CLINT1: variants seen among roughly 807,000 people sequenced by gnomAD.
CLINT1 encodes the protein clathrin interactor 1.
In CLINT1, 15 loss-of-function variants were observed where a neutral mutation model predicts 70.4. The ratio of observed to expected loss-of-function variants is 0.21; its 90% CI spans 0.14 to 0.33. CLINT1 has a LOEUF of 0.33. CLINT1 is among the 10% of genes least tolerant of loss of function. The pLI, the probability that CLINT1 is intolerant of heterozygous loss-of-function variation, is 1.00. For synonymous variants in CLINT1, 227 were observed against 254.7 expected (o/e 0.89, Z 1.04); for missense variants, 615 against 778.1 (o/e 0.79, Z 2.49).
At chr5:157,815,399 G>A (rs1350036556) in intron 3 of CLINT1, among the ~76,000 whole-genome samples, 1 of 128,290 alleles carries the variant, frequency 7.8e-6, no homozygotes, top group Non-Finnish European at 1.8e-5. Flanking sequence ...TTTACAGGGT[G>A]ATAAAAATGT....
chr5:157,835,654 G>A (rs1474405114), intron 1 of CLINT1, among the ~76,000 whole-genome samples: 1 of 151,960 alleles, frequency 6.6e-6, no homozygotes, highest in Non-Finnish European at 1.5e-5. Flanking sequence ...AGGGAGAGGT[G>A]GAAAGGAAGA....
intron 1 of CLINT1, among the ~76,000 whole-genome samples, chr5:157,820,080 T>C (rs1020838608): frequency 3.3e-5 from 5 of 152,152 alleles, no homozygotes; most frequent in Admixed American, 2.6e-4. Context: ...ATTAAGTATA[T>C]CCACAGGAGG....
intron 1 of CLINT1, among the ~76,000 whole-genome samples, chr5:157,853,613 C>A (rs987169394): frequency 6.6e-6 from 1 of 151,246 alleles, no homozygotes; most frequent in Non-Finnish European, 1.5e-5. Context: ...CTCGTCTCTA[C>A]TAAAATTACA....
chr5:157,807,916 A>G (rs1426776848), intron 6 of CLINT1, among the ~76,000 whole-genome samples: 1 of 150,740 alleles, frequency 6.6e-6, no homozygotes, highest in African/African-American at 2.4e-5. Flanking sequence ...GGATCTGCCT[A>G]AAGTAACACA....
intron 8 of CLINT1, among the ~76,000 whole-genome samples, chr5:157,797,093 A>G (rs923104517): frequency 1.3e-5 from 2 of 152,204 alleles, no homozygotes; most frequent in South Asian, 4.1e-4. Flanking sequence ...AATGAGTTAT[A>G]CATGTTTAAA....
chr5:157,856,472 G>C (rs1561681516), intron 1 of CLINT1, among the ~76,000 whole-genome samples: 1 of 152,180 alleles, frequency 6.6e-6, no homozygotes, highest in Non-Finnish European at 1.5e-5. Context: ...CCATCTATCT[G>C]AATAGCCCTT....
At chr5:157,854,345 A>G (rs983654321) in intron 1 of CLINT1, among the ~76,000 whole-genome samples, 1 of 152,210 alleles carries the variant, frequency 6.6e-6, no homozygotes, top group Non-Finnish European at 1.5e-5. Context: ...GCGCTTCAGG[A>G]TGCTGAGGCA....
Position 157,809,674 on chromosome 5 carries a change from T to A in CLINT1, c.649A>T (p.Ser217Cys). 2 of 1,613,306 alleles carry A rather than the reference T, an allele frequency of 1.2e-6. No homozygotes were observed. The highest frequency in any genetic ancestry group is 1.1e-5 in the South Asian group (1 of 90,964). ...TCTCTATCTTTCCTCCGGAACTTGC[T>A]GATGGTGTCATCAATTGTGCTTCCA... is the stretch of plus-strand genomic sequence containing the variant. ...KIGSTIDDTI[S>C]KFRRKDREDS... The change falls in exon 6 of 12, where the codon AGC (serine) becomes TGC (cysteine). Residue 217 changes from serine to cysteine, a missense_variant. Coordinates refer to ENST00000411809, the MANE Select transcript of CLINT1 (RefSeq NM_014666.4).
intron 1 of CLINT1, among the ~76,000 whole-genome samples, chr5:157,835,769 A>T (rs1763399261): frequency 6.6e-6 from 1 of 152,224 alleles, no homozygotes; most frequent in Non-Finnish European, 1.5e-5. Flanking sequence ...AGAAAGACTT[A>T]TTAATTTACT....
intron 1 of CLINT1, among the ~76,000 whole-genome samples, chr5:157,852,036 ATATTT>A (rs768340791): frequency 3.3e-5 from 5 of 152,184 alleles, no homozygotes; most frequent in Non-Finnish European, 7.3e-5. Flanking sequence ...TTGGTATCAC[ATATTT>A]TAGAGGATTC....
intron 8 of CLINT1, among the ~76,000 whole-genome samples, chr5:157,797,410 G>A (rs985967334): frequency 3.3e-5 from 5 of 152,106 alleles, no homozygotes; most frequent in Admixed American, 2.0e-4. Context: ...TTTTTGAGAC[G>A]GAGTTCCACT....
intron 1 of CLINT1, among the ~76,000 whole-genome samples, chr5:157,847,789 A>C (rs1385462920): frequency 6.6e-6 from 1 of 152,198 alleles, no homozygotes; most frequent in Non-Finnish European, 1.5e-5. Flanking sequence ...GCCAGTGAAG[A>C]ACATGGTTAA....
chr5:157,844,465 G>A (rs568542069), intron 1 of CLINT1, among the ~76,000 whole-genome samples: 1 of 152,236 alleles, frequency 6.6e-6, no homozygotes, highest in African/African-American at 2.4e-5. Flanking sequence ...ATGTCTTATA[G>A]TACTCTACAG....
At chr5:157,840,245 C>A (rs2113297394) in intron 1 of CLINT1, among the ~76,000 whole-genome samples, 1 of 128,488 alleles carries the variant, frequency 7.8e-6, no homozygotes, top group South Asian at 2.6e-4. Context: ...GAGGAATAGT[C>A]TATTTAAAAA....
At chr5:157,802,540 CTCTT>C (rs199515693) in intron 8 of CLINT1, among the ~76,000 whole-genome samples, 2,438 of 147,432 alleles carry the variant, frequency 0.017, 62 homozygotes, top group African/African-American at 0.058. Flanking sequence ...CTGTAGCCCT[CTCTT>C]TTTTTTTTTT....
intron 10 of CLINT1, chr5:157,790,656 A>G (rs1177297985): frequency 4.4e-6 from 2 of 455,026 alleles, no homozygotes. Context: ...GAGAATCTAC[A>G]CATTAAAATG....
chr5:157,785,948 A>T lies in CLINT1; in HGVS notation c.*1698T>A, dbSNP rs893796638. 1 of 152,206 alleles carries T rather than the reference A, an allele frequency of 6.6e-6. No homozygotes were observed. The highest frequency in any genetic ancestry group is 1.5e-5 in the Non-Finnish European group (1 of 68,026). 9.4% of individuals were successfully genotyped at this position (152,206 alleles called of 1,614,324 possible). On this transcript the variant is annotated 3_prime_UTR_variant, in exon 12 of 12. Transcript: ENST00000411809. ...TATTCTTTGAAACTAAGTTAAACACATTGAATTGTTGAAAGATTAAAAACC... is the reference window on the plus strand; with the variant it reads ...TATTCTTTGAAACTAAGTTAAACACTTTGAATTGTTGAAAGATTAAAAACC...
rs868569618 is a variant in CLINT1, at chr5:157,794,843, T to C, written c.1087+55A>G. The C allele has an allele frequency of 6.0e-5, 83 of 1,377,988 alleles. No homozygotes were observed. The Middle Eastern group carries it at 2.0e-3, about 33-fold the overall frequency. The allele number at this position is 1,377,988 out of a possible 1,614,324, so 85.4% of individuals were successfully genotyped here. A position where few individuals can be genotyped will look rare whatever the true frequency, so the allele number is the denominator to read the frequency against. On this transcript the variant is annotated intron_variant, in intron 9 of 11. Coordinates refer to ENST00000411809, the MANE Select transcript of CLINT1 (RefSeq NM_014666.4). The stretch of plus-strand genomic sequence containing the variant: ...GCTGACTTGGGGGGAATGGGAGTTG[T>C]TTTTAATAACCTTTTTACCACCCTA...
chr5:157,795,021 A>G, intron 8 of CLINT1, 49 bp from the exon 9 acceptor site: 5 of 1,476,714 alleles, frequency 3.4e-6, no homozygotes, highest in Non-Finnish European at 4.6e-6. Context: ...GAAAAATTGT[A>G]AATAATTTCT....
Sources: gnomAD v4.1 joint callset for allele counts (sites outside exome capture counted in the v4.1 genomes callset) on GRCh38, gnomAD v4.1.1 for gene constraint, MANE v1.5 for transcripts, NCBI Gene and HGNC (gene_info 2026-07-23, HGNC 2026-07-21) for gene names.